The following KIAA1217 variants were observed in gnomAD, a reference collection of about 807,000 sequenced individuals.
KIAA1217 encodes sickle tail protein homolog.
In KIAA1217, 88 loss-of-function variants were observed where a neutral mutation model predicts 163.9. The ratio of observed to expected loss-of-function variants is 0.54; its 90% CI spans 0.45 to 0.64. The LOEUF (loss-of-function observed/expected upper bound fraction) is 0.64. KIAA1217 is among the 30% of genes least tolerant of loss of function. The pLI is 0.00. For missense variants in KIAA1217, 2,372 were observed against 2,475.0 expected (o/e 0.96, Z 0.88); for synonymous variants, 903 against 923.1 (o/e 0.98, Z 0.39).
intron 2 of KIAA1217, among the ~76,000 whole-genome samples, chr10:24,144,294 G>A (rs1020146112): frequency 6.6e-6 from 1 of 152,164 alleles, no homozygotes; most frequent in African/African-American, 2.4e-5. Flanking sequence ...TTTGGAAACT[G>A]AGCAAAAGAA....
chr10:24,243,277 C>A (rs954482250), intron 2 of KIAA1217, among the ~76,000 whole-genome samples: 4 of 152,008 alleles, frequency 2.6e-5, no homozygotes, highest in Admixed American at 2.0e-4. Context: ...ATTTTATTTT[C>A]TTTTAGATTC....
At chr10:24,025,829 T>C (rs1378269976) in intron 2 of KIAA1217, among the ~76,000 whole-genome samples, 1 of 151,822 alleles carries the variant, frequency 6.6e-6, no homozygotes, top group Non-Finnish European at 1.5e-5. Flanking sequence ...AATACAGAAA[T>C]ACAATTAGTC....
intron 2 of KIAA1217, among the ~76,000 whole-genome samples, chr10:24,340,655 G>C (rs978441630): frequency 1.3e-5 from 2 of 152,074 alleles, no homozygotes; most frequent in African/African-American, 2.4e-5. Flanking sequence ...CAGGACTAAA[G>C]CCAGACAAGG....
In KIAA1217 at chr10:24,543,485, C is replaced by T. The variant is rs1010633060; in HGVS notation, c.4215C>T (p.Ser1405=). 1 of 1,613,956 alleles carries T rather than the reference C, an allele frequency of 6.2e-7. No homozygotes were observed. The highest frequency in any genetic ancestry group is 1.7e-5 in the Admixed American group (1 of 59,998). The change falls in exon 19 of 21, where the codon AGC becomes AGT. Residue 1405 remains serine, a synonymous_variant. Coordinates refer to ENST00000376454, the MANE Select transcript of KIAA1217 (RefSeq NM_019590.5). ...LSSGEVHDIV[S]QKGEDIQTVN... is the part of the protein sequence containing the mutation. ...GTGGGGAGGTGCATGATATTGTTAG[C>T]CAAAAGGGAGAAGACATACAGACGG...
At chr10:23,932,279 G>T (rs1039985970) in intron 1 of KIAA1217, among the ~76,000 whole-genome samples, 2 of 152,114 alleles carry the variant, frequency 1.3e-5, no homozygotes, top group African/African-American at 4.8e-5. Context: ...CGCCTGCAGG[G>T]TCCAAAAATG....
intron 4 of KIAA1217, among the ~76,000 whole-genome samples, chr10:24,434,924 G>T (rs1591906063): frequency 6.6e-6 from 1 of 152,050 alleles, no homozygotes; most frequent in Non-Finnish European, 1.5e-5. Flanking sequence ...CACACTTCTT[G>T]GTCAAGAACT....
In KIAA1217 at chr10:24,542,747, G is replaced by A; in HGVS notation, c.3589G>A (p.Gly1197Ser). Residue 1197 changes from glycine to serine, a missense_variant, in exon 18 of 21, where the codon GGC becomes AGC. By Grantham distance (56) the Gly-to-Ser change is moderately conservative. Around this residue, in one of 3 missense-constraint regions of KIAA1217, gnomAD observed 251 missense variants for 327.3 expected, o/e 0.77. Transcript: ENST00000376454. ...VRKSDVEYENGPQMEFQKVTT... is the reference protein window; with the variant it reads ...VRKSDVEYENSPQMEFQKVTT... ...GAAATCTGATGTTGAATATGAAAATGGCCCCCAAATGGAATTCCAAAAGGT... is the reference window on the plus strand; with the variant it reads ...GAAATCTGATGTTGAATATGAAAATAGCCCCCAAATGGAATTCCAAAAGGT... 6.2e-7 allele frequency: 1 copy of A among 1,614,102 alleles called. No homozygotes were observed. Among genetic ancestry groups the A allele is most frequent in the Non-Finnish European group, 8.5e-7 (1 of 1,180,008 alleles).
chr10:24,050,350 T>C (rs1266811447), intron 2 of KIAA1217, among the ~76,000 whole-genome samples: 1 of 152,250 alleles, frequency 6.6e-6, no homozygotes, highest in Non-Finnish European at 1.5e-5. Context: ...TTGCCATTGC[T>C]TCTGGTGTTT....
intron 1 of KIAA1217, among the ~76,000 whole-genome samples, chr10:23,997,512 T>C (rs1443340891): frequency 6.6e-6 from 1 of 152,210 alleles, no homozygotes; most frequent in African/African-American, 2.4e-5. Flanking sequence ...TCTGGGAGCT[T>C]ATTTTTATTA....
chr10:24,315,246 C>G lies in KIAA1217; in HGVS notation c.355-65623C>G, dbSNP rs377417998. On this transcript the variant is annotated intron_variant, in intron 2 of 20. Transcript: ENST00000376454. ...CTGCAGAAAATCAACGCTGCTACAC[C>G]CAAAAGAAAAGGAAGATGGAACTGG... is the stretch of plus-strand genomic sequence containing the variant. 5.9e-5 allele frequency among the ~76,000 whole-genome samples: 9 copies of G among 152,170 alleles called. No individual in the cohort carries two copies. In the East Asian group the frequency reaches 1.7e-3, roughly 30 times the overall value.
chr10:23,762,345 G>A (rs142285819), intron 1 of KIAA1217, among the ~76,000 whole-genome samples: 1,685 of 149,914 alleles, frequency 0.011, 28 homozygotes, highest in African/African-American at 0.039. Context: ...CCAATATCCC[G>A]GATGAACATC....
chr10:24,066,439 A>G (rs558992286), intron 2 of KIAA1217, among the ~76,000 whole-genome samples: 6 of 152,254 alleles, frequency 3.9e-5, no homozygotes, highest in Admixed American at 3.9e-4. Context: ...TGGGTTGAAA[A>G]TTCTTTTCTT....
intron 1 of KIAA1217, among the ~76,000 whole-genome samples, chr10:23,999,532 T>A (rs2131460284): frequency 6.6e-6 from 1 of 152,204 alleles, no homozygotes; most frequent in South Asian, 2.1e-4. Flanking sequence ...ATCACCTACC[T>A]GGACACTGGT....
At chr10:23,765,858 T>C (rs1263869864) in intron 1 of KIAA1217, among the ~76,000 whole-genome samples, 2 of 152,356 alleles carry the variant, frequency 1.3e-5, no homozygotes, top group East Asian at 1.9e-4. Flanking sequence ...GAGTTCTTTA[T>C]AGCAGTGTGA....
At chr10:24,499,518 A>C (rs972306249) in intron 8 of KIAA1217, among the ~76,000 whole-genome samples, 1 of 152,176 alleles carries the variant, frequency 6.6e-6, no homozygotes, top group African/African-American at 2.4e-5. Context: ...GGATCACCTG[A>C]GGTCAGGAGT....
At chr10:23,746,519 G>C (rs1474104885) in intron 1 of KIAA1217, among the ~76,000 whole-genome samples, 7 of 152,088 alleles carry the variant, frequency 4.6e-5, no homozygotes, top group Admixed American at 4.6e-4. Flanking sequence ...CGCCTCCCGG[G>C]TTCAGGCCAT....
rs535327010 is a variant in KIAA1217 at position 24,456,295 on chromosome 10, G to A, written c.847-16933G>A. 1.6e-4 allele frequency among the ~76,000 whole-genome samples: 25 copies of A among 152,282 alleles called. No homozygotes were observed. In the South Asian group the frequency reaches 1.9e-3, roughly 11 times the overall value. On this transcript the variant is annotated intron_variant, in intron 5 of 20. Coordinates refer to ENST00000376454, the MANE Select transcript of KIAA1217 (RefSeq NM_019590.5). ...TTGCCAGTTCTTGTATCTCCAAAACGAATGTGTCATTCGTTTCATCCTTCT... is the reference window on the plus strand; with the variant it reads ...TTGCCAGTTCTTGTATCTCCAAAACAAATGTGTCATTCGTTTCATCCTTCT...
At chr10:23,788,452 AC>A (rs954120247) in intron 1 of KIAA1217, among the ~76,000 whole-genome samples, 3 of 152,180 alleles carry the variant, frequency 2.0e-5, no homozygotes, top group African/African-American at 7.2e-5. Flanking sequence ...CCTATCCAGT[AC>A]CATTCTCCAG....
At chr10:24,363,961 T>A (rs1008474559) in intron 2 of KIAA1217, among the ~76,000 whole-genome samples, 8 of 150,602 alleles carry the variant, frequency 5.3e-5, no homozygotes, top group Non-Finnish European at 1.5e-5. Flanking sequence ...CTGAAAACAC[T>A]CAACTCTGGT....
Sources: gnomAD v4.1 joint callset for allele counts (sites outside exome capture counted in the v4.1 genomes callset) on GRCh38, gnomAD v4.1.1 for gene constraint, gnomAD v4.1.1 regional missense constraint, MANE v1.5 for transcripts, NCBI Gene and HGNC (gene_info 2026-07-23, HGNC 2026-07-21) for gene names.